The following RUVBL1 variants were observed in gnomAD, a reference collection of about 807,000 sequenced individuals.
The protein encoded by RUVBL1 is ruvB-like 1.
A neutral mutation model predicts 52.4 loss-of-function variants in RUVBL1; 4 were observed. The observed-to-expected ratio is 0.08, with a 90% confidence interval of 0.04 to 0.17. The LOEUF is 0.17. Among genes scored for constraint, RUVBL1 ranks in the 10% least tolerant of loss-of-function variants. The pLI, the probability that RUVBL1 is intolerant of heterozygous loss-of-function variation, is 1.00. For synonymous variants in RUVBL1, 217 were observed against 214.4 expected (o/e 1.01, Z -0.10); for missense variants, 298 against 572.8 (o/e 0.52, Z 4.90).
chr3:128,084,373 A>C (rs539320852), intron 9 of RUVBL1: 2 of 152,378 alleles, frequency 1.3e-5, no homozygotes, highest in African/African-American at 4.8e-5. Context: ...CCCTGAACAC[A>C]GCTTCAAGGT....
chr3:128,121,886 C>T (rs1212861446), intron 1 of RUVBL1, among the ~76,000 whole-genome samples: 1 of 152,148 alleles, frequency 6.6e-6, no homozygotes. Context: ...CCTCAATTTC[C>T]ACTCCAACTA....
chr3:128,092,838 C>G (rs1277819878), intron 8 of RUVBL1, among the ~76,000 whole-genome samples: 1 of 152,144 alleles, frequency 6.6e-6, no homozygotes, highest in African/African-American at 2.4e-5. Context: ...CAATTCCACT[C>G]CTAGGTACAT....
At position 128,119,379 on chromosome 3, in the gene RUVBL1, C is replaced by T; in HGVS notation, c.177G>A (p.Lys59=). The T allele has an allele frequency of 1.9e-6, 3 of 1,614,058 alleles. No homozygotes were observed. The highest frequency in any genetic ancestry group is 2.5e-6 in the Non-Finnish European group (3 of 1,179,992). ...ACAAGACAGCTCTTCCAGCCATTTT[C>T]TTGCTTTTGATTAATTCTACTATGA... ...CGVIVELIKS[K]KMAGRAVLLA... is the part of the protein sequence containing the mutation. Residue 59 remains lysine, a synonymous_variant, in exon 2 of 11, where the codon AAG becomes AAA. Transcript: ENST00000322623.
chr3:128,120,634 G>T (rs1320383772), intron 1 of RUVBL1, among the ~76,000 whole-genome samples: 2 of 152,184 alleles, frequency 1.3e-5, no homozygotes, highest in East Asian at 3.9e-4. Context: ...TCTTCTCTCT[G>T]GGCAGTGACC....
At chr3:128,090,649 T>C (rs1942811353) in intron 8 of RUVBL1, among the ~76,000 whole-genome samples, 1 of 152,240 alleles carries the variant, frequency 6.6e-6, no homozygotes, top group Non-Finnish European at 1.5e-5. Flanking sequence ...TTAAGAAGAA[T>C]TATAAAGATG....
intron 1 of RUVBL1, among the ~76,000 whole-genome samples, chr3:128,139,186 G>A (rs865929706): frequency 6.6e-6 from 1 of 151,970 alleles, no homozygotes; most frequent in Non-Finnish European, 1.5e-5. Flanking sequence ...AAACACAAAT[G>A]GGCAAATGAG....
chr3:128,085,586 AT>A (rs1466074346), intron 9 of RUVBL1, among the ~76,000 whole-genome samples: 1 of 152,214 alleles, frequency 6.6e-6, no homozygotes, highest in African/African-American at 2.4e-5. Context: ...TAGGTAACAT[AT>A]ACAATTGCTA....
chr3:128,076,726 C>T (rs13094149), downstream of RUVBL1, among the ~76,000 whole-genome samples: 34,246 of 151,824 alleles, frequency 0.23, 3,936 homozygotes, highest in South Asian at 0.27. This position sits in a 1 kb window ranked among gnomAD's most constrained non-coding sequence, Gnocchi z 6.8. Flanking sequence ...CGCGCGCAGC[C>T]CCGTGAAAAC....
Position 128,082,473 on chromosome 3 carries a change from A to G in RUVBL1, c.1211+10T>C. ...GGGGAGGCCCCGGCGGGCCCAGGGTACCAGCTCACCTCAGTGTGGTCTTGG... is the reference window on the plus strand; with the variant it reads ...GGGGAGGCCCCGGCGGGCCCAGGGTGCCAGCTCACCTCAGTGTGGTCTTGG... On this transcript the variant is annotated intron_variant, in intron 10 of 10. Transcript: ENST00000322623. The surrounding 1 kb of genome is among the most constrained non-coding windows in gnomAD (Gnocchi z 4.7). 3 of 1,610,834 alleles carry G rather than the reference A, an allele frequency of 1.9e-6. No individual in the cohort carries two copies. Among genetic ancestry groups the G allele is most frequent in the Non-Finnish European group, 2.5e-6 (3 of 1,177,590 alleles).
At chr3:128,146,450 G>A (rs530070140) in intron 1 of RUVBL1, among the ~76,000 whole-genome samples, 19 of 151,050 alleles carry the variant, frequency 1.3e-4, no homozygotes, top group Admixed American at 4.6e-4. Context: ...GTGCATGTGC[G>A]TCTGTGTATC....
In RUVBL1 at chr3:128,119,872, G is replaced by A. The variant is rs535750229; in HGVS notation, c.142-458C>T. ...AAGGTTGCAGTGACCAAAGTATAGC[G>A]AAAAAGACCAGGAAGATGAGGTTGA... On this transcript the variant is annotated intron_variant, in intron 1 of 10. Transcript: ENST00000322623. Among the ~76,000 whole-genome samples, 5 of 152,254 alleles carry A rather than the reference G, an allele frequency of 3.3e-5. No homozygotes were observed. The East Asian group carries it at 9.6e-4, about 29-fold the overall frequency.
downstream of RUVBL1, among the ~76,000 whole-genome samples, chr3:128,078,445 A>G (rs991772902): frequency 2.0e-5 from 3 of 152,130 alleles, no homozygotes; most frequent in Non-Finnish European, 2.9e-5. Flanking sequence ...CAGTCTCACA[A>G]GTATCTCTGG....
chr3:128,078,478 G>T (rs143014687), downstream of RUVBL1, among the ~76,000 whole-genome samples: 298 of 152,290 alleles, frequency 2.0e-3, 3 homozygotes, highest in Non-Finnish European at 1.3e-3. Flanking sequence ...AGGAGACAGG[G>T]CGCTGGGATT....
chr3:128,065,196 A>T (rs1225222683), exon 10 of RUVBL1: 6 of 834,388 alleles, frequency 7.2e-6, no homozygotes, highest in Non-Finnish European at 1.2e-5. Context: ...TGAGCTGGAC[A>T]AGCATGTTCA....
chr3:128,081,792 T>C lies in RUVBL1; in HGVS notation c.1212-383A>G. The stretch of plus-strand genomic sequence containing the variant: ...GAAAACATAGCCAGCTGGAAGTACA[T>C]GCCCATCCAAAGGCATGAAGACTCT... On this transcript the variant is annotated intron_variant, in intron 10 of 10. Transcript: ENST00000322623. This position sits in a 1 kb window ranked among gnomAD's most constrained non-coding sequence, Gnocchi z 4.8. The C allele has an allele frequency of 5.5e-6, 1 of 182,618 alleles. No homozygotes were observed. Among genetic ancestry groups the C allele is most frequent in the Non-Finnish European group, 1.2e-5 (1 of 86,220 alleles). The allele number at this position is 182,618 out of a possible 1,614,324, so 11.3% of individuals were successfully genotyped here.
intron 8 of RUVBL1, among the ~76,000 whole-genome samples, chr3:128,096,598 G>A (rs1040588640): frequency 7.9e-5 from 12 of 152,064 alleles, no homozygotes; most frequent in Admixed American, 4.6e-4. Context: ...AGGCTGAGGC[G>A]GGCAGATCAC....
At chr3:128,098,647 C>A (rs762721210) in intron 7 of RUVBL1, among the ~76,000 whole-genome samples, 6 of 152,188 alleles carry the variant, frequency 3.9e-5, no homozygotes, top group Admixed American at 1.3e-4. Context: ...ATTTCTGGGG[C>A]CTCATAGGGG....
intron 9 of RUVBL1, chr3:128,083,461 G>A (rs923895105): frequency 4.6e-5 from 7 of 152,260 alleles, no homozygotes; most frequent in African/African-American, 1.7e-4. Flanking sequence ...AGAGCCAGAG[G>A]TTTACTGAGG....
At chr3:128,108,945 GAAGC>G (rs1481487313) in intron 3 of RUVBL1, among the ~76,000 whole-genome samples, 3 of 152,300 alleles carry the variant, frequency 2.0e-5, no homozygotes, top group African/African-American at 7.2e-5. Flanking sequence ...CTGAGCTAAA[GAAGC>G]AAGACACAAG....
Sources: allele counts gnomAD v4.1 joint callset (sites outside exome capture counted in the v4.1 genomes callset), GRCh38; gene constraint gnomAD v4.1.1; non-coding constraint Gnocchi (gnomAD v3.1); transcripts MANE v1.5; gene names NCBI Gene and HGNC (gene_info 2026-07-23, HGNC 2026-07-21).